The following PLPP4 variants were observed in gnomAD, a reference collection of about 807,000 sequenced individuals.
The protein encoded by PLPP4 is phospholipid phosphatase 4, also known as diacylglycerol pyrophosphate like 2.
A neutral mutation model predicts 32.2 loss-of-function variants in PLPP4; 20 were observed. The ratio of observed to expected loss-of-function variants is 0.62; its 90% CI spans 0.44 to 0.90. The LOEUF (loss-of-function observed/expected upper bound fraction) is 0.90, where lower values mean the gene tolerates loss of function less well. PLPP4 is among the 40% of genes least tolerant of loss of function. The pLI, the probability that PLPP4 is intolerant of heterozygous loss-of-function variation, is 0.00. For synonymous variants in PLPP4, 127 were observed against 133.0 expected (o/e 0.95, Z 0.31); for missense variants, 257 against 353.1 (o/e 0.73, Z 2.18).
intron 5 of PLPP4, among the ~76,000 whole-genome samples, chr10:120,543,665 G>A (rs1182841407): frequency 5.3e-5 from 8 of 152,074 alleles, no homozygotes; most frequent in African/African-American, 1.4e-4. Flanking sequence ...GTGCAGTGAC[G>A]TTAAGTACAT....
chr10:120,489,183 A>G (rs1198715920), intron 1 of PLPP4, among the ~76,000 whole-genome samples: 1 of 152,204 alleles, frequency 6.6e-6, no homozygotes, highest in Non-Finnish European at 1.5e-5. Flanking sequence ...TAGCTCCATC[A>G]GTTGGGATAG....
At chr10:120,574,018 A>G (rs896696686) in intron 5 of PLPP4, among the ~76,000 whole-genome samples, 2 of 152,012 alleles carry the variant, frequency 1.3e-5, no homozygotes, top group African/African-American at 4.8e-5. Flanking sequence ...TTTCTAATCA[A>G]GAAGAAAGTT....
At chr10:120,476,190 G>A (rs893058762) in intron 1 of PLPP4, among the ~76,000 whole-genome samples, 2 of 152,218 alleles carry the variant, frequency 1.3e-5, no homozygotes, top group African/African-American at 2.4e-5. Context: ...TCAGGGACAC[G>A]TTTTGCCTGG....
intron 1 of PLPP4, among the ~76,000 whole-genome samples, chr10:120,478,879 G>T (rs1250578016): frequency 6.6e-6 from 1 of 152,154 alleles, no homozygotes; most frequent in Non-Finnish European, 1.5e-5. Context: ...AACATTCATT[G>T]CTGTGCATAC....
chr10:120,586,987 A>T (rs1849793294), intron 6 of PLPP4, among the ~76,000 whole-genome samples: 1 of 152,186 alleles, frequency 6.6e-6, no homozygotes. Flanking sequence ...TAGAAATGAC[A>T]TTGAGCCCTG....
rs80341189 is a variant in PLPP4 at position 120,492,500 on chromosome 10, G to A, written c.57-11318G>A. ...GCTGAAGACAACTCCTGCAGGAAGGGAAGCACAGAACAGCCTGGCTCTTTA... is the reference window on the plus strand; with the variant it reads ...GCTGAAGACAACTCCTGCAGGAAGGAAAGCACAGAACAGCCTGGCTCTTTA... On this transcript the variant is annotated intron_variant, in intron 1 of 6. Coordinates refer to ENST00000398250, the MANE Select transcript of PLPP4 (RefSeq NM_001030059.3). 2.2e-4 allele frequency among the ~76,000 whole-genome samples: 34 copies of A among 152,320 alleles called. No homozygotes were observed. The East Asian group carries it at 6.0e-3, about 27-fold the overall frequency.
intron 5 of PLPP4, among the ~76,000 whole-genome samples, chr10:120,532,896 G>T (rs112531063): frequency 0.014 from 2,057 of 152,200 alleles, 50 homozygotes; most frequent in African/African-American, 0.047. Context: ...GGACATTTGG[G>T]TTGTTTCCAG....
At chr10:120,512,735 C>T (rs987414012) in intron 2 of PLPP4, among the ~76,000 whole-genome samples, 4 of 152,148 alleles carry the variant, frequency 2.6e-5, no homozygotes, top group African/African-American at 9.7e-5. Context: ...ATTGCTTGAA[C>T]CCGGGAGGTG....
At chr10:120,461,951 A>G (rs1848069966) in intron 1 of PLPP4, among the ~76,000 whole-genome samples, 1 of 152,208 alleles carries the variant, frequency 6.6e-6, no homozygotes. Context: ...ACTGGATGTC[A>G]GGTAGATTTT....
At chr10:120,576,143 G>A (rs966178112) in intron 6 of PLPP4, among the ~76,000 whole-genome samples, 2 of 152,340 alleles carry the variant, frequency 1.3e-5, no homozygotes, top group Middle Eastern at 3.4e-3. Context: ...TAATAAGCAA[G>A]CCTGTCATTG....
intron 5 of PLPP4, among the ~76,000 whole-genome samples, chr10:120,539,158 G>A (rs1417566379): frequency 3.3e-5 from 5 of 152,148 alleles, no homozygotes; most frequent in Non-Finnish European, 7.3e-5. Flanking sequence ...CTCTCTGAGG[G>A]CTTCTGCTGG....
At chr10:120,532,613 C>G (rs191913259) in intron 5 of PLPP4, among the ~76,000 whole-genome samples, 2 of 152,134 alleles carry the variant, frequency 1.3e-5, no homozygotes, top group Non-Finnish European at 2.9e-5. Flanking sequence ...TCCATTAGCT[C>G]TCTCCCTCCA....
intron 1 of PLPP4, among the ~76,000 whole-genome samples, chr10:120,473,705 G>A (rs768848455): frequency 1.3e-5 from 2 of 152,090 alleles, no homozygotes; most frequent in Admixed American, 1.3e-4. Context: ...CTTCCCCCTC[G>A]TTATTCTTGT....
At chr10:120,546,276 CA>C (rs1338910250) in intron 5 of PLPP4, among the ~76,000 whole-genome samples, 1 of 152,156 alleles carries the variant, frequency 6.6e-6, no homozygotes, top group Non-Finnish European at 1.5e-5. Flanking sequence ...CTGACTCACA[CA>C]AACTCCTTCT....
At position 120,542,826 on chromosome 10, in the gene PLPP4, C is replaced by A. The variant is rs1048586120; in HGVS notation, c.445+21731C>A. Among the ~76,000 whole-genome samples, 4 of 152,118 alleles carry A rather than the reference C, an allele frequency of 2.6e-5. No individual in the cohort carries two copies. In the South Asian group the frequency reaches 8.3e-4, roughly 32 times the overall value. On this transcript the variant is annotated intron_variant, in intron 5 of 6. Transcript: ENST00000398250. ...TGTGGGCATTTGGATCAGTTAGACC[C>A]CTGATTGTGGGGCAAAAGATGGCGT... is the stretch of plus-strand genomic sequence containing the variant.
intron 2 of PLPP4, among the ~76,000 whole-genome samples, chr10:120,510,662 A>G (rs1845688818): frequency 6.6e-6 from 1 of 152,078 alleles, no homozygotes. Flanking sequence ...TACTCGCCTC[A>G]TTCCTCCTTT....
chr10:120,557,134 T>C (rs1283064153), intron 5 of PLPP4, among the ~76,000 whole-genome samples: 1 of 152,216 alleles, frequency 6.6e-6, no homozygotes, highest in Non-Finnish European at 1.5e-5. Flanking sequence ...CTGACCATCG[T>C]AACAAATGGC....
intron 1 of PLPP4, among the ~76,000 whole-genome samples, chr10:120,464,420 A>G (rs1466888803): frequency 6.6e-6 from 1 of 152,164 alleles, no homozygotes; most frequent in Admixed American, 6.5e-5. Flanking sequence ...GTGTCTAATG[A>G]TGTTCTTATT....
chr10:120,568,493 A>G (rs943460148), intron 5 of PLPP4, among the ~76,000 whole-genome samples: 1 of 152,222 alleles, frequency 6.6e-6, no homozygotes, highest in African/African-American at 2.4e-5. Flanking sequence ...AGATGAGCAC[A>G]CTGGGCAAAT....
Sources: allele counts gnomAD v4.1 joint callset (sites outside exome capture counted in the v4.1 genomes callset), GRCh38; gene constraint gnomAD v4.1.1; transcripts MANE v1.5; gene names NCBI Gene and HGNC (gene_info 2026-07-23, HGNC 2026-07-21).